ARHGEF35: variants seen among roughly 807,000 people sequenced by gnomAD.
ARHGEF35 encodes Rho guanine nucleotide exchange factor (GEF) 35.
For synonymous variants in ARHGEF35, 47 were observed against 170.4 expected (o/e 0.28, Z 5.64); for missense variants, 114 against 449.7 (o/e 0.25, Z 6.75).
chr7:144,191,353 C>CA, intron 1 of ARHGEF35, among the ~76,000 whole-genome samples: 1 of 89,006 alleles, frequency 1.1e-5, no homozygotes. Context: ...ATCCCCCCCC[C>CA]CCCCACTGGC....
chr7:144,187,485 A>C lies in ARHGEF35; in HGVS notation c.899T>G (p.Leu300Arg). The stretch of plus-strand genomic sequence containing the variant: ...CTCCTGCTCCCACTCACCGTCATTC[A>C]GACCCTCTGGCTCCCCAGTGAGCCC... ...RMGLTGEPEG[L>R]NDGEWEQEDM... Residue 300 changes from leucine to arginine, a missense_variant, in exon 2 of 2, where the codon CTG (leucine) becomes CGG (arginine). By Grantham distance (102) the Leu-to-Arg change is moderately radical (BLOSUM62 -2). Transcript: ENST00000378115. 1.3e-6 allele frequency: 1 copy of C among 758,500 alleles called. No homozygotes were observed. The highest frequency in any genetic ancestry group is 2.1e-6 in the Non-Finnish European group (1 of 481,848). The allele number at this position is 758,500 out of a possible 1,614,324, so 47.0% of individuals were successfully genotyped here. A position where few individuals can be genotyped will look rare whatever the true frequency, so the allele number is the denominator to read the frequency against.
At chr7:144,193,816 C>T (rs1261654844) in intron 1 of ARHGEF35, among the ~76,000 whole-genome samples, 1 of 144,242 alleles carries the variant, frequency 6.9e-6, no homozygotes, top group African/African-American at 2.6e-5. Flanking sequence ...CTGGTGGCAT[C>T]CACACAGATA....
At position 144,186,688 on chromosome 7, in the gene ARHGEF35, G is replaced by A; in HGVS notation, c.*241C>T. ...TGCTGACGAAACACATGGCAAGATA[G>A]AGCTGTCCTAGGCCCTAAAACTCGC... On this transcript the variant is annotated 3_prime_UTR_variant, in exon 2 of 2. Transcript: ENST00000378115. 2.6e-6 allele frequency: 1 copy of A among 387,842 alleles called. No homozygotes were observed. Among genetic ancestry groups the A allele is most frequent in the Non-Finnish European group, 4.6e-6 (1 of 218,792 alleles). 24.0% of individuals were successfully genotyped at this position (387,842 alleles called of 1,614,324 possible). A position where few individuals can be genotyped will look rare whatever the true frequency, so the allele number is the denominator to read the frequency against.
In ARHGEF35 at chr7:144,186,880, G is replaced by C; in HGVS notation, c.*49C>G. On this transcript the variant is annotated 3_prime_UTR_variant, in exon 2 of 2. Transcript: ENST00000378115. ...ATCTATCAGTCAAAGAAGTCTCAAG[G>C]AAAAATTTAAAAATACATTGAACTG... is the stretch of plus-strand genomic sequence containing the variant. 7.6e-7 allele frequency: 1 copy of C among 1,320,948 alleles called. No individual in the cohort carries two copies. Among genetic ancestry groups the C allele is most frequent in the East Asian group, 2.5e-5 (1 of 40,284 alleles). The allele number at this position is 1,320,948 out of a possible 1,614,324, so 81.8% of individuals were successfully genotyped here.
At position 144,186,781 on chromosome 7, in the gene ARHGEF35, C is replaced by A; in HGVS notation, c.*148G>T. ...AAAACCAGAAATCATTGTAGGGAAT[C>A]CAATTGGAAATCAGCATAAGAAAGA... On this transcript the variant is annotated 3_prime_UTR_variant, in exon 2 of 2. Transcript: ENST00000378115. 1 of 719,398 alleles carries A rather than the reference C, an allele frequency of 1.4e-6. No homozygotes were observed. Among genetic ancestry groups the A allele is most frequent in the Non-Finnish European group, 2.2e-6 (1 of 464,600 alleles). The allele number at this position is 719,398 out of a possible 1,614,324, so 44.6% of individuals were successfully genotyped here. A position where few individuals can be genotyped will look rare whatever the true frequency, so the allele number is the denominator to read the frequency against.
rs755680178 is a variant in ARHGEF35, at chr7:144,187,162, G to C, written c.1222C>G (p.Pro408Ala). 1 of 1,506,754 alleles carries C rather than the reference G, an allele frequency of 6.6e-7. No homozygotes were observed. 93.3% of individuals were successfully genotyped at this position (1,506,754 alleles called of 1,614,324 possible). Residue 408 changes from proline (P) to alanine (A), a missense_variant, in exon 2 of 2, where the codon CCC becomes GCC. Transcript: ENST00000378115. Reference sequence around the variant, plus strand: ...GAGTCCTCAGGGGCTATCAGAGCGGGCATTGAAGGCCCATGATGCTCATTC... The same window carrying C: ...GAGTCCTCAGGGGCTATCAGAGCGGCCATTGAAGGCCCATGATGCTCATTC... ...EENEHHGPSMPALIAPEDSPH... is the reference protein window; with the variant it reads ...EENEHHGPSMAALIAPEDSPH...
chr7:144,192,230 T>TACACAC (rs2699831), intron 1 of ARHGEF35, among the ~76,000 whole-genome samples: 800 of 62,786 alleles, frequency 0.013, 87 homozygotes, highest in Middle Eastern at 0.04. Context: ...CCACTGTGTG[T>TACACAC]ACACACACAC....
rs2051948808 is a variant in ARHGEF35, at chr7:144,186,215, TCTAA to T, written c.*710_*713del. 5.8e-6 allele frequency: 1 copy of T among 171,442 alleles called. No individual in the cohort carries two copies. The highest frequency in any genetic ancestry group is 1.0e-4 in the South Asian group (1 of 9,998). 10.6% of individuals were successfully genotyped at this position (171,442 alleles called of 1,614,324 possible). On this transcript the variant is annotated 3_prime_UTR_variant, in exon 2 of 2. Coordinates refer to ENST00000378115, the MANE Select transcript of ARHGEF35 (RefSeq NM_001003702.3). ...TCTTGCAGGTGAGGAGGCTTTAAAT[TCTAA>T]AGGTTGTGGTGTCTTCATGCCAAGA...
Position 144,186,785 on chromosome 7 carries a change from T to C in ARHGEF35, c.*144A>G, listed in dbSNP as rs935057961. 4.2e-4 allele frequency: 311 copies of C among 737,456 alleles called. 28 individuals are homozygous for C. The highest frequency in any genetic ancestry group is 1.3e-4 in the Non-Finnish European group (62 of 479,882). 45.7% of individuals were successfully genotyped at this position (737,456 alleles called of 1,614,324 possible). A position where few individuals can be genotyped will look rare whatever the true frequency, so the allele number is the denominator to read the frequency against. ...CCAGAAATCATTGTAGGGAATCCAA[T>C]TGGAAATCAGCATAAGAAAGATATG... On this transcript the variant is annotated 3_prime_UTR_variant, in exon 2 of 2. Coordinates refer to ENST00000378115, the MANE Select transcript of ARHGEF35 (RefSeq NM_001003702.3).
Position 144,186,959 on chromosome 7 carries a change from A to G in ARHGEF35, c.1425T>C (p.Pro475=), listed in dbSNP as rs539811724. 5.9e-6 allele frequency: 9 copies of G among 1,529,644 alleles called. No homozygotes were observed. The East Asian group carries it at 1.8e-4, about 30-fold the overall frequency. The allele number at this position is 1,529,644 out of a possible 1,614,324, so 94.8% of individuals were successfully genotyped here. A position where few individuals can be genotyped will look rare whatever the true frequency, so the allele number is the denominator to read the frequency against. The change falls in exon 2 of 2, where the codon CCT becomes CCC. Residue 475 remains proline (P), a synonymous_variant. Coordinates refer to ENST00000378115, the MANE Select transcript of ARHGEF35 (RefSeq NM_001003702.3). Reference sequence around the variant, plus strand: ...GTACTGATAGAAGTTTTTCCTTGTCAGGTGACTCCTCAGTCAAAAAGGAGC... The same window carrying G: ...GTACTGATAGAAGTTTTTCCTTGTCGGGTGACTCCTCAGTCAAAAAGGAGC... ...LLGSFLTEES[P]DKEKLLSVL is the part of the protein sequence containing the mutation.
rs2051958653 is a variant in ARHGEF35 at position 144,186,889 on chromosome 7, A to T, written c.*40T>A. 2 of 1,350,936 alleles carry T rather than the reference A, an allele frequency of 1.5e-6. 1 individual carries two copies. The highest frequency in any genetic ancestry group is 3.1e-5 in the African/African-American group (2 of 64,722). The allele number at this position is 1,350,936 out of a possible 1,614,324, so 83.7% of individuals were successfully genotyped here. A position where few individuals can be genotyped will look rare whatever the true frequency, so the allele number is the denominator to read the frequency against. On this transcript the variant is annotated 3_prime_UTR_variant, in exon 2 of 2. Coordinates refer to ENST00000378115, the MANE Select transcript of ARHGEF35 (RefSeq NM_001003702.3). ...TCAAAGAAGTCTCAAGGAAAAATTT[A>T]AAAATACATTGAACTGGATAAACAT...
intron 1 of ARHGEF35, among the ~76,000 whole-genome samples, chr7:144,191,350 C>T (rs1193020520): frequency 1.1e-5 from 1 of 90,254 alleles, no homozygotes; most frequent in Non-Finnish European, 2.5e-5. Context: ...CCCATCCCCC[C>T]CCCCCCCACT....
rs2051957348 is a variant in ARHGEF35 at position 144,186,762 on chromosome 7, AG to A, written c.*166del. On this transcript the variant is annotated 3_prime_UTR_variant, in exon 2 of 2. Transcript: ENST00000378115. ...TAATCATCCAGAGCAGATGAAAACC[AG>A]AAATCATTGTAGGGAATCCAATTGG... 5.8e-6 allele frequency: 4 copies of A among 686,558 alleles called. No individual in the cohort carries two copies. The South Asian group carries it at 6.1e-5, about 10-fold the overall frequency. The allele number at this position is 686,558 out of a possible 1,614,324, so 42.5% of individuals were successfully genotyped here.
In ARHGEF35 at chr7:144,186,818, C is replaced by T; in HGVS notation, c.*111G>A. ...CAGCATAAGAAAGATATGAAAATCCCTAAACATTTGGAAATTTAAAAACAC... is the reference window on the plus strand; with the variant it reads ...CAGCATAAGAAAGATATGAAAATCCTTAAACATTTGGAAATTTAAAAACAC... On this transcript the variant is annotated 3_prime_UTR_variant, in exon 2 of 2. Transcript: ENST00000378115. The T allele has an allele frequency of 1.0e-6, 1 of 963,412 alleles. No homozygotes were observed. Among genetic ancestry groups the T allele is most frequent in the South Asian group, 1.7e-5 (1 of 57,284 alleles). 59.7% of individuals were successfully genotyped at this position (963,412 alleles called of 1,614,324 possible).
chr7:144,191,354 C>CCCCCCCCT (rs2052001467), intron 1 of ARHGEF35, among the ~76,000 whole-genome samples: 1 of 69,612 alleles, frequency 1.4e-5, no homozygotes, highest in African/African-American at 5.6e-5. Context: ...TCCCCCCCCC[C>CCCCCCCCT]CCCACTGGCT....
intron 1 of ARHGEF35, among the ~76,000 whole-genome samples, chr7:144,192,230 T>TACACACACACAC (rs2699831): frequency 7.5e-4 from 47 of 62,810 alleles, no homozygotes; most frequent in African/African-American, 3.4e-3. Flanking sequence ...CCACTGTGTG[T>TACACACACACAC]ACACACACAC....
At position 144,187,144 on chromosome 7, in the gene ARHGEF35, C is replaced by T; in HGVS notation, c.1240G>A (p.Glu414Lys). 1 of 1,518,474 alleles carries T rather than the reference C, an allele frequency of 6.6e-7. No homozygotes were observed. Among genetic ancestry groups the T allele is most frequent in the Non-Finnish European group, 9.0e-7 (1 of 1,108,888 alleles). 94.1% of individuals were successfully genotyped at this position (1,518,474 alleles called of 1,614,324 possible). Reference sequence around the variant, plus strand: ...AACAGGTCACAGTGAGGAGAGTCCTCAGGGGCTATCAGAGCGGGCATTGAA... The same window carrying T: ...AACAGGTCACAGTGAGGAGAGTCCTTAGGGGCTATCAGAGCGGGCATTGAA... ...GPSMPALIAP[E>K]DSPHCDLFPG... Residue 414 changes from glutamate to lysine, a missense_variant, in exon 2 of 2, where the codon GAG becomes AAG. Transcript: ENST00000378115.
chr7:144,186,732 G>C lies in ARHGEF35; in HGVS notation c.*197C>G, dbSNP rs975666374. 5 of 553,140 alleles carry C rather than the reference G, an allele frequency of 9.0e-6. No individual in the cohort carries two copies. In the African/African-American group the frequency reaches 9.8e-5, roughly 11 times the overall value. The allele number at this position is 553,140 out of a possible 1,614,324, so 34.3% of individuals were successfully genotyped here. A position where few individuals can be genotyped will look rare whatever the true frequency, so the allele number is the denominator to read the frequency against. ...AACTCGCCACAACAAATTTAAAAGA[G>C]ATAGTAATCATCCAGAGCAGATGAA... On this transcript the variant is annotated 3_prime_UTR_variant, in exon 2 of 2. Transcript: ENST00000378115.
At chr7:144,189,894 C>T (rs201574643) in intron 1 of ARHGEF35, among the ~76,000 whole-genome samples, 8,511 of 93,920 alleles carry the variant, frequency 0.091, 45 homozygotes, top group East Asian at 0.22. Flanking sequence ...GCAACCTCCA[C>T]CTCCGGGTTC....
Sources: gnomAD v4.1 joint callset for allele counts (sites outside exome capture counted in the v4.1 genomes callset) on GRCh38, gnomAD v4.1.1 for gene constraint, MANE v1.5 for transcripts, NCBI Gene and HGNC (gene_info 2026-07-23, HGNC 2026-07-21) for gene names.